The following PICALM variants were observed in gnomAD, a reference collection of about 807,000 sequenced individuals.
PICALM encodes the protein phosphatidylinositol binding clathrin assembly protein.
Under a neutral mutation model 80.5 loss-of-function variants are expected in PICALM, and 40 were observed. The ratio of observed to expected loss-of-function variants is 0.50; its 90% CI spans 0.39 to 0.65. PICALM has a LOEUF of 0.65. Among genes scored for constraint, PICALM ranks in the 30% least tolerant of loss-of-function variants. PICALM has a pLI of 0.00. For synonymous variants in PICALM, 288 were observed against 260.3 expected (o/e 1.11, Z -1.02); for missense variants, 676 against 778.9 (o/e 0.87, Z 1.57).
At chr11:85,977,166 A>C (rs713346) in intron 17 of PICALM, among the ~76,000 whole-genome samples, 32,391 of 152,162 alleles carry the variant, frequency 0.21, 3,848 homozygotes, top group East Asian at 0.48. Context: ...GTTTCTAAGG[A>C]TCTTACTCAC....
At chr11:86,014,342 T>G (rs2095446048) in intron 5 of PICALM, among the ~76,000 whole-genome samples, 1 of 152,224 alleles carries the variant, frequency 6.6e-6, no homozygotes, top group Non-Finnish European at 1.5e-5. Context: ...TTGAAAACGT[T>G]AACTTCTAAC....
chr11:85,990,343 A>G lies in PICALM; in HGVS notation c.1315T>C (p.Phe439Leu). The change falls in exon 13 of 20, where the codon TTC becomes CTC. Residue 439 changes from phenylalanine (F) to leucine (L), a missense_variant. Physicochemically the swap from Phe to Leu is conservative, Grantham distance 22. Around this residue, in one of 2 missense-constraint regions of PICALM, gnomAD observed 391 missense variants for 383.6 expected, o/e 1.02. Transcript: ENST00000393346. ...VDDAIPSLNP[F>L]LTKSSGDVHL... ...ACATCACCACTACTTTTTGTGAGGA[A>G]AGGATTTAAGCTTGGAATGGCATCA... 6.2e-7 allele frequency: 1 copy of G among 1,608,450 alleles called. No individual in the cohort carries two copies. Among genetic ancestry groups the G allele is most frequent in the Non-Finnish European group, 8.5e-7 (1 of 1,175,280 alleles).
At chr11:86,015,616 T>A (rs1489018272) in intron 4 of PICALM, among the ~76,000 whole-genome samples, 1 of 152,192 alleles carries the variant, frequency 6.6e-6, no homozygotes, top group Admixed American at 6.5e-5. Flanking sequence ...GATAGAGAAA[T>A]TATTGGCAGC....
intron 19 of PICALM, among the ~76,000 whole-genome samples, chr11:85,961,595 C>A (rs1416016937): frequency 6.6e-6 from 1 of 152,186 alleles, no homozygotes; most frequent in Non-Finnish European, 1.5e-5. Flanking sequence ...ATACATGTAT[C>A]CTTCATTAAG....
intron 8 of PICALM, among the ~76,000 whole-genome samples, chr11:86,006,068 A>G (rs2095269583): frequency 6.6e-6 from 1 of 152,238 alleles, no homozygotes; most frequent in South Asian, 2.1e-4. Context: ...TAAATAAAAC[A>G]TAAGGGAAGC....
chr11:85,983,931 C>G lies in PICALM; in HGVS notation c.1451G>C (p.Gly484Ala), dbSNP rs773749678. Reference protein sequence around the residue: ...SPVAQPHPSAGLNVDFESVFG... With the variant: ...SPVAQPHPSAALNVDFESVFG... Reference sequence around the variant, plus strand: ...CACAGATTCAAAGTCAACATTAAGGCCAGCTGAAGGGTGTGGCTGTGCAAC... The same window carrying G: ...CACAGATTCAAAGTCAACATTAAGGGCAGCTGAAGGGTGTGGCTGTGCAAC... Residue 484 changes from glycine to alanine, a missense_variant, in exon 14 of 20, where the codon GGC (glycine) becomes GCC (alanine). Physicochemically the swap from Gly to Ala is moderately conservative, Grantham distance 60. Around this residue, in one of 2 missense-constraint regions of PICALM, gnomAD observed 391 missense variants for 383.6 expected, o/e 1.02. Transcript: ENST00000393346. 1.9e-6 allele frequency: 3 copies of G among 1,605,318 alleles called. No individual in the cohort carries two copies. Among genetic ancestry groups the G allele is most frequent in the Non-Finnish European group, 2.6e-6 (3 of 1,173,434 alleles).
chr11:85,981,842 A>G (rs774013052), intron 15 of PICALM, 30 bp downstream of exon 15: 1 of 1,612,720 alleles, frequency 6.2e-7, no homozygotes, highest in East Asian at 2.2e-5. Context: ...ACAACATAAA[A>G]GAAGATTAAC....
At chr11:86,026,435 G>C in intron 2 of PICALM, 68 bp from the exon 3 acceptor site, 1 of 888,382 alleles carries the variant, frequency 1.1e-6, no homozygotes, top group African/African-American at 1.7e-5. Flanking sequence ...AAAATTAGGA[G>C]GAAAAGTTAT....
chr11:86,038,815 G>A (rs1478109957), intron 1 of PICALM, among the ~76,000 whole-genome samples: 3 of 151,438 alleles, frequency 2.0e-5, no homozygotes, highest in East Asian at 1.9e-4. Context: ...CTATCTTAAC[G>A]TTTAAAAATA....
At chr11:86,001,401 A>C (rs1273876585) in intron 9 of PICALM, among the ~76,000 whole-genome samples, 2 of 152,318 alleles carry the variant, frequency 1.3e-5, no homozygotes, top group East Asian at 1.9e-4. Flanking sequence ...GACTTTGGAA[A>C]GGGTTCACAA....
At chr11:85,998,066 G>A (rs1268080884) in intron 11 of PICALM, among the ~76,000 whole-genome samples, 3 of 151,920 alleles carry the variant, frequency 2.0e-5, no homozygotes, top group Non-Finnish European at 4.4e-5. Context: ...ACAGGCGGGA[G>A]GCACCATGCC....
intron 18 of PICALM, 108 bp downstream of exon 18, chr11:85,976,515 C>A (rs1360283457): frequency 5.7e-6 from 4 of 696,304 alleles, no homozygotes; most frequent in African/African-American, 3.6e-5. Context: ...GGCACTAGGG[C>A]TAGGAGTATG....
chr11:86,061,242 T>C (rs904669741), intron 1 of PICALM, among the ~76,000 whole-genome samples: 5 of 142,500 alleles, frequency 3.5e-5, no homozygotes, highest in African/African-American at 1.3e-4. Flanking sequence ...GGCAGAAGAA[T>C]CACTTGAACC....
chr11:86,032,105 G>C (rs2095761248), intron 1 of PICALM, among the ~76,000 whole-genome samples: 1 of 152,118 alleles, frequency 6.6e-6, no homozygotes, highest in Admixed American at 6.5e-5. Flanking sequence ...CTTTGCAACA[G>C]GAAGATAACA....
At chr11:86,014,012 A>G (rs1171014592) in intron 5 of PICALM, among the ~76,000 whole-genome samples, 1 of 152,228 alleles carries the variant, frequency 6.6e-6, no homozygotes, top group Non-Finnish European at 1.5e-5. Flanking sequence ...AAAACATACA[A>G]AAACAGGCAG....
At chr11:86,006,357 T>C (rs772762090) in intron 8 of PICALM, among the ~76,000 whole-genome samples, 15 of 152,116 alleles carry the variant, frequency 9.9e-5, no homozygotes, top group Non-Finnish European at 4.4e-5. Context: ...GTTTAAAAGA[T>C]GTACTGGAAG....
At chr11:85,980,409 T>C (rs1222799271) in intron 17 of PICALM, among the ~76,000 whole-genome samples, 1 of 152,202 alleles carries the variant, frequency 6.6e-6, no homozygotes, top group Non-Finnish European at 1.5e-5. Context: ...TAGAATATAC[T>C]AGAATGAGGT....
rs141070412 is a variant in PICALM, at chr11:85,991,746, C to A, written c.1259-1347G>T. Among the ~76,000 whole-genome samples, 21 of 151,870 alleles carry A rather than the reference C, an allele frequency of 1.4e-4. 1 individual carries two copies. In the East Asian group the frequency reaches 4.1e-3, roughly 29 times the overall value. On this transcript the variant is annotated intron_variant, in intron 12 of 19. Transcript: ENST00000393346. ...CTCGAAATCTTTCCCATCATTCCAC[C>A]CCCAATAAATGGAACACTGGGAAAA... is the stretch of plus-strand genomic sequence containing the variant.
chr11:86,063,284 A>T (rs1026654508), intron 1 of PICALM, among the ~76,000 whole-genome samples: 12 of 152,188 alleles, frequency 7.9e-5, no homozygotes, highest in African/African-American at 2.9e-4. Flanking sequence ...CATCTTATGA[A>T]GTGTTTCACT....
Sources: allele counts gnomAD v4.1 joint callset (sites outside exome capture counted in the v4.1 genomes callset), GRCh38; gene constraint gnomAD v4.1.1; regional missense constraint gnomAD v4.1.1; transcripts MANE v1.5; gene names NCBI Gene and HGNC (gene_info 2026-07-23, HGNC 2026-07-21).